NLRC4: variants seen among roughly 807,000 people sequenced by gnomAD.
NLRC4 encodes NLR family CARD domain-containing protein 4.
NLRC4 carries 63 observed loss-of-function variants against 79.9 expected under a neutral mutation model. That is an observed-to-expected ratio of 0.79 (90% confidence interval 0.64 to 0.97). NLRC4 has a LOEUF of 0.97. Ranked by LOEUF, NLRC4 falls within the 50% of genes least tolerant of loss-of-function variation. The pLI is 0.00. For missense variants in NLRC4, 1,074 were observed against 1,215.2 expected (o/e 0.88, Z 1.73); for synonymous variants, 461 against 456.5 (o/e 1.01, Z -0.12).
At chr2:32,255,542 GAAAT>G (rs1687188764) in intron 2 of NLRC4, among the ~76,000 whole-genome samples, 2 of 126,566 alleles carry the variant, frequency 1.6e-5, no homozygotes, top group African/African-American at 6.0e-5. Flanking sequence ...AAAAAAATAA[GAAAT>G]ACAGCCTCAG....
chr2:32,240,658 A>AT (rs1030855640), intron 5 of NLRC4, among the ~76,000 whole-genome samples: 2 of 152,146 alleles, frequency 1.3e-5, no homozygotes, highest in East Asian at 1.9e-4. Flanking sequence ...TCATTTATGA[A>AT]TTTTTTTAAC....
rs766493286 is a variant in NLRC4, at chr2:32,238,217, G to A, written c.2436C>T (p.Val812=). 5.0e-6 allele frequency: 8 copies of A among 1,613,378 alleles called. 1 individual carries two copies. In the South Asian group the frequency reaches 8.8e-5, roughly 18 times the overall value. The stretch of plus-strand genomic sequence containing the variant: ...CACAGGGTTCACTTGACAGAGACTT[G>A]ACTATGTAATCCATTCCCTCTCCAA... ...SDIGEGMDYI[V]KSLSSEPCDL... Residue 812 remains valine (V), a synonymous_variant, in exon 6 of 9, where the codon GTC becomes GTT. Coordinates refer to ENST00000402280, the MANE Select transcript of NLRC4 (RefSeq NM_001199138.2).
chr2:32,242,053 AAC>A (rs1686818325), intron 4 of NLRC4, among the ~76,000 whole-genome samples: 1 of 152,128 alleles, frequency 6.6e-6, no homozygotes, highest in South Asian at 2.1e-4. Context: ...ACAAATTAAA[AAC>A]AGAGGCAAGG....
At position 32,238,231 on chromosome 2, in the gene NLRC4, T is replaced by A; in HGVS notation, c.2422A>T (p.Met808Leu). 1 of 1,613,550 alleles carries A rather than the reference T, an allele frequency of 6.2e-7. No homozygotes were observed. The highest frequency in any genetic ancestry group is 8.5e-7 in the Non-Finnish European group (1 of 1,179,606). The change falls in exon 6 of 9, where the codon ATG becomes TTG. Residue 808 changes from methionine to leucine, a missense_variant. Coordinates refer to ENST00000402280, the MANE Select transcript of NLRC4 (RefSeq NM_001199138.2). ...LTHLSDIGEG[M>L]DYIVKSLSSE... is the part of the protein sequence containing the mutation. ...GACAGAGACTTGACTATGTAATCCA[T>A]TCCCTCTCCAATGTCAGACAAGTGG...
chr2:32,231,405 T>C (rs1172402821), intron 8 of NLRC4, among the ~76,000 whole-genome samples: 1 of 152,090 alleles, frequency 6.6e-6, no homozygotes, highest in Non-Finnish European at 1.5e-5. Flanking sequence ...TCCACCTGCC[T>C]CAACCTCCCA....
At position 32,252,566 on chromosome 2, in the gene NLRC4, T is replaced by G; in HGVS notation, c.115A>C (p.Asn39His). The change falls in exon 3 of 9, where the codon AAC becomes CAC. Residue 39 changes from asparagine to histidine, a missense_variant. Coordinates refer to ENST00000402280, the MANE Select transcript of NLRC4 (RefSeq NM_001199138.2). ...TCCACCTTCTCGCAGCAAATGATGTTTACTTCTTCGCGATTCAGAACATTC... is the reference window on the plus strand; with the variant it reads ...TCCACCTTCTCGCAGCAAATGATGTGTACTTCTTCGCGATTCAGAACATTC... Reference protein sequence around the residue: ...VWNVLNREEVNIICCEKVEQD... With the variant: ...VWNVLNREEVHIICCEKVEQD... 1 of 1,614,240 alleles carries G rather than the reference T, an allele frequency of 6.2e-7. No individual in the cohort carries two copies. Among genetic ancestry groups the G allele is most frequent in the Non-Finnish European group, 8.5e-7 (1 of 1,180,034 alleles).
At position 32,251,225 on chromosome 2, in the gene NLRC4, A is replaced by C; in HGVS notation, c.639T>G (p.Phe213Leu). 1.9e-6 allele frequency: 3 copies of C among 1,614,160 alleles called. No homozygotes were observed. The highest frequency in any genetic ancestry group is 2.5e-6 in the Non-Finnish European group (3 of 1,180,010). The change falls in exon 4 of 9, where the codon TTT becomes TTG. Residue 213 changes from phenylalanine (F) to leucine (L), a missense_variant. Physicochemically the swap from Phe to Leu is conservative, Grantham distance 22. Coordinates refer to ENST00000402280, the MANE Select transcript of NLRC4 (RefSeq NM_001199138.2). ...LRLSRAQGGLFETLCDQLLDI... is the reference protein window; with the variant it reads ...LRLSRAQGGLLETLCDQLLDI... ...CCAGGAGTTGATCACAGAGGGTTTC[A>C]AAAAGTCCACCCTGGGCCCTGCTGA...
rs962821561 is a variant in NLRC4, at chr2:32,262,954, A to G, written c.-119+1784T>C. Among the ~76,000 whole-genome samples, 3 of 151,466 alleles carry G rather than the reference A, an allele frequency of 2.0e-5. No individual in the cohort carries two copies. In the East Asian group the frequency reaches 5.8e-4, roughly 29 times the overall value. On this transcript the variant is annotated intron_variant, in intron 1 of 8. Transcript: ENST00000402280. ...TAATATATATTATATATATATAGGC[A>G]ATCTGCCTGCCTCGGCCTCCCAAAG... is the stretch of plus-strand genomic sequence containing the variant.
At chr2:32,262,554 C>A (rs1687376785) in intron 1 of NLRC4, among the ~76,000 whole-genome samples, 1 of 152,054 alleles carries the variant, frequency 6.6e-6, no homozygotes. Flanking sequence ...GAGGGTGGAT[C>A]ACCTGAAGTC....
chr2:32,250,491 A>G lies in NLRC4; in HGVS notation c.1373T>C (p.Leu458Ser). The change falls in exon 4 of 9, where the codon TTA becomes TCA. Residue 458 changes from leucine to serine, a missense_variant. By Grantham distance (145) the Leu-to-Ser change is moderately radical. Transcript: ENST00000402280. This position sits in a 1 kb window ranked among gnomAD's most constrained non-coding sequence, Gnocchi z 4.9. The stretch of plus-strand genomic sequence containing the variant: ...CTCCTCTGGCTCATGAGACGTCAAT[A>G]AACTGCTGAGTCTTCGTCCTGCTGT... ...EYTAGRRLSS[L>S]LTSHEPEEVT... 6.2e-7 allele frequency: 1 copy of G among 1,614,226 alleles called. No homozygotes were observed. The highest frequency in any genetic ancestry group is 8.5e-7 in the Non-Finnish European group (1 of 1,180,040).
intron 6 of NLRC4, among the ~76,000 whole-genome samples, chr2:32,237,552 T>C (rs1686701227): frequency 6.6e-6 from 1 of 152,248 alleles, no homozygotes; most frequent in Admixed American, 6.5e-5. Flanking sequence ...TTATATAGTT[T>C]AACTTTAAAA....
In NLRC4 at chr2:32,224,779, T is replaced by TA; in HGVS notation, c.2783-15dup. 6.8e-7 allele frequency: 1 copy of TA among 1,480,646 alleles called. No individual in the cohort carries two copies. The highest frequency in any genetic ancestry group is 2.3e-5 in the East Asian group (1 of 43,080). The allele number at this position is 1,480,646 out of a possible 1,614,324, so 91.7% of individuals were successfully genotyped here. A position where few individuals can be genotyped will look rare whatever the true frequency, so the allele number is the denominator to read the frequency against. ...CAAAAAATGCACCTGGGTAAAGAAA[T>TA]AAGTATATTAGTTGGAAGAAAAATT... On this transcript the variant is annotated splice_polypyrimidine_tract_variant and intron_variant, in intron 8 of 8. Transcript: ENST00000402280.
chr2:32,235,627 AG>A (rs1430228422), intron 7 of NLRC4, 59 bp from the exon 8 acceptor site: 4 of 1,344,144 alleles, frequency 3.0e-6, no homozygotes, highest in Non-Finnish European at 4.2e-6. Context: ...GGAAGAACAA[AG>A]GGGTGTTAGG....
chr2:32,248,672 A>G (rs915413113), intron 4 of NLRC4, among the ~76,000 whole-genome samples: 1 of 152,052 alleles, frequency 6.6e-6, no homozygotes, highest in Non-Finnish European at 1.5e-5. Context: ...AAATCAAACA[A>G]TGAGGATCAA....
rs1373301484 is a variant in NLRC4 at position 32,250,450 on chromosome 2, C to G, written c.1414G>C (p.Gly472Arg). The change falls in exon 4 of 9, where the codon GGT (glycine) becomes CGT (arginine). Residue 472 changes from glycine (G) to arginine (R), a missense_variant. By Grantham distance (125) the Gly-to-Arg change is moderately radical. Transcript: ENST00000402280. This position sits in a 1 kb window ranked among gnomAD's most constrained non-coding sequence, Gnocchi z 4.9. ...ATGGAAACCATTTTCTGCAAGTAACCATTCCCCTTGGTCACCTCCTCTGGC... is the reference window on the plus strand; with the variant it reads ...ATGGAAACCATTTTCTGCAAGTAACGATTCCCCTTGGTCACCTCCTCTGGC... Reference protein sequence around the residue: ...HEPEEVTKGNGYLQKMVSISD... With the variant: ...HEPEEVTKGNRYLQKMVSISD... The G allele has an allele frequency of 6.2e-7, 1 of 1,614,204 alleles. No individual in the cohort carries two copies. The highest frequency in any genetic ancestry group is 2.2e-5 in the East Asian group (1 of 44,882).
intron 5 of NLRC4, among the ~76,000 whole-genome samples, 191 bp downstream of exon 5, chr2:32,240,842 T>G (rs1159098759): frequency 1.3e-5 from 2 of 152,154 alleles, no homozygotes; most frequent in African/African-American, 2.4e-5. Context: ...CCATCTGGTG[T>G]TGTACAATTT....
intron 4 of NLRC4, among the ~76,000 whole-genome samples, chr2:32,243,625 C>A (rs370236643): frequency 2.2e-3 from 333 of 150,266 alleles, no homozygotes; most frequent in African/African-American, 7.7e-3. Flanking sequence ...CATGGTGAAA[C>A]CCTGTCTCTA....
chr2:32,240,765 A>C (rs1242688527), intron 5 of NLRC4, among the ~76,000 whole-genome samples: 1 of 152,234 alleles, frequency 6.6e-6, no homozygotes, highest in African/African-American at 2.4e-5. Flanking sequence ...TTAAATAAAA[A>C]CATAGCCAAT....
chr2:32,262,900 C>T (rs527666269), intron 1 of NLRC4, among the ~76,000 whole-genome samples: 13 of 151,668 alleles, frequency 8.6e-5, no homozygotes, highest in African/African-American at 3.1e-4. Flanking sequence ...AGTCCTTCCC[C>T]CACATTTGTA....
Sources: allele counts gnomAD v4.1 joint callset (sites outside exome capture counted in the v4.1 genomes callset), GRCh38; gene constraint gnomAD v4.1.1; non-coding constraint Gnocchi (gnomAD v3.1); transcripts MANE v1.5; gene names NCBI Gene and HGNC (gene_info 2026-07-23, HGNC 2026-07-21).